RYR2: variants seen among roughly 807,000 people sequenced by gnomAD.
The protein encoded by RYR2 is ryanodine receptor 2.
Under a neutral mutation model 601.1 loss-of-function variants are expected in RYR2, and 227 were observed. That is an observed-to-expected ratio of 0.38 (90% CI 0.34 to 0.42). RYR2 has a LOEUF of 0.42. Among genes scored for constraint, RYR2 ranks in the 10% least tolerant of loss-of-function variants. RYR2 has a pLI of 1.00. For synonymous variants in RYR2, 2,223 were observed against 2,175.1 expected, an observed-to-expected ratio of 1.02 and a Z score of -0.61; for missense variants, 4,646 against 6,156.5, an observed-to-expected ratio of 0.75 and a Z score of 8.21.
chr1:237,447,472 A>G (rs567296213), intron 14 of RYR2, among the ~76,000 whole-genome samples: 2 of 152,336 alleles, frequency 1.3e-5, no homozygotes, highest in East Asian at 3.9e-4. Context: ...GCTTTATTAA[A>G]TCTTGAAAAT....
intron 17 of RYR2, among the ~76,000 whole-genome samples, chr1:237,485,198 A>G (rs1377143447): frequency 1.3e-5 from 2 of 152,242 alleles, no homozygotes; most frequent in Non-Finnish European, 2.9e-5. Context: ...CTCCAGATAT[A>G]AAGTATTTCA....
At chr1:237,679,108 T>C (rs1032786237) in intron 61 of RYR2, among the ~76,000 whole-genome samples, 2 of 152,144 alleles carry the variant, frequency 1.3e-5, no homozygotes, top group African/African-American at 4.8e-5. Context: ...GGGGTGCACA[T>C]AGTTAGCGAT....
At chr1:237,517,409 A>G (rs754477399) in intron 24 of RYR2, among the ~76,000 whole-genome samples, 15 of 152,294 alleles carry the variant, frequency 9.8e-5, no homozygotes, top group South Asian at 2.1e-4. Context: ...GGGGTGTCCA[A>G]TCTTTTTGCT....
At chr1:237,162,808 G>A (rs1490531376) in intron 1 of RYR2, among the ~76,000 whole-genome samples, 3 of 152,130 alleles carry the variant, frequency 2.0e-5, no homozygotes, top group Non-Finnish European at 4.4e-5. Flanking sequence ...TTGTGGGCTG[G>A]AAAGATAAAC....
chr1:237,690,688 C>G (rs910226030), intron 63 of RYR2, among the ~76,000 whole-genome samples: 5 of 152,046 alleles, frequency 3.3e-5, no homozygotes, highest in Non-Finnish European at 7.4e-5. Flanking sequence ...ATGGCGAGAC[C>G]CCATCTCGAC....
chr1:237,533,645 C>T (rs1439386656), intron 25 of RYR2, among the ~76,000 whole-genome samples: 2 of 152,038 alleles, frequency 1.3e-5, no homozygotes, highest in Non-Finnish European at 2.9e-5. Flanking sequence ...AAGGGTGATG[C>T]AATGTAAAAC....
In RYR2 at chr1:237,445,822, C is replaced by CT. The variant is rs375921812; in HGVS notation, c.1292+306dup. Among the ~76,000 whole-genome samples, 1,599 of 151,788 alleles carry CT rather than the reference C, an allele frequency of 0.011. 24 individuals are homozygous for CT. The highest frequency in any genetic ancestry group is 0.035 in the African/African-American group (1,454 of 41,382). ...ACCTATTTAGTTCCTTTTTCTTTTC[C>CT]TTTTTTCTTTTTGAGACAGAGTCTC... On this transcript the variant is annotated intron_variant, in intron 14 of 104. Coordinates refer to ENST00000366574, the MANE Select transcript of RYR2 (RefSeq NM_001035.3).
At chr1:237,107,967 G>A (rs2148565189) in intron 1 of RYR2, among the ~76,000 whole-genome samples, 1 of 152,206 alleles carries the variant, frequency 6.6e-6, no homozygotes, top group Admixed American at 6.5e-5. Context: ...TTTACCTCCT[G>A]GTAAAAAGGT....
At chr1:237,375,652 C>T (rs1700969309) in intron 7 of RYR2, among the ~76,000 whole-genome samples, 1 of 152,096 alleles carries the variant, frequency 6.6e-6, no homozygotes, top group Non-Finnish European at 1.5e-5. Flanking sequence ...AATGCATCGT[C>T]TTATAAAAGA....
At chr1:237,065,430 C>T (rs1663472738) in intron 1 of RYR2, among the ~76,000 whole-genome samples, 1 of 145,704 alleles carries the variant, frequency 6.9e-6, no homozygotes. Context: ...GAGGCACCCA[C>T]CACCACGCCT....
chr1:237,779,706 A>G (rs1694947062), intron 88 of RYR2, among the ~76,000 whole-genome samples: 1 of 152,214 alleles, frequency 6.6e-6, no homozygotes, highest in Non-Finnish European at 1.5e-5. Flanking sequence ...ATACATCTTA[A>G]TGTCAAAGAT....
At chr1:237,324,386 G>T (rs1695943859) in intron 2 of RYR2, among the ~76,000 whole-genome samples, 1 of 152,122 alleles carries the variant, frequency 6.6e-6, no homozygotes, top group Non-Finnish European at 1.5e-5. Context: ...ACACTCAACA[G>T]TTACAGTGCC....
intron 10 of RYR2, among the ~76,000 whole-genome samples, chr1:237,397,951 G>C (rs12045513): frequency 0.26 from 39,259 of 151,756 alleles, 5,332 homozygotes; most frequent in African/African-American, 0.36. Flanking sequence ...TCAATCTCCT[G>C]ACCTCGTGAT....
At chr1:237,299,712 A>G (rs1398310644) in intron 2 of RYR2, among the ~76,000 whole-genome samples, 1 of 152,160 alleles carries the variant, frequency 6.6e-6, no homozygotes, top group East Asian at 1.9e-4. Flanking sequence ...TGGGTTGTAA[A>G]TGTTTAATAT....
intron 12 of RYR2, among the ~76,000 whole-genome samples, chr1:237,423,661 G>A (rs767573126): frequency 1.1e-4 from 17 of 152,128 alleles, no homozygotes; most frequent in Non-Finnish European, 2.1e-4. Context: ...AGCATTGACA[G>A]TATACAGTGA....
intron 38 of RYR2, among the ~76,000 whole-genome samples, chr1:237,622,659 CTT>C: frequency 6.6e-6 from 1 of 152,252 alleles, no homozygotes; most frequent in South Asian, 2.1e-4. Context: ...AAGCACAAAA[CTT>C]GAATTTGCTG....
chr1:237,199,387 A>G (rs920335823), intron 1 of RYR2, among the ~76,000 whole-genome samples: 2 of 152,230 alleles, frequency 1.3e-5, no homozygotes, highest in Admixed American at 1.3e-4. Context: ...CTGGCAAAGC[A>G]CTGGTGTAAA....
At chr1:237,108,661 G>T (rs182278988) in intron 1 of RYR2, among the ~76,000 whole-genome samples, 45 of 152,174 alleles carry the variant, frequency 3.0e-4, no homozygotes, top group African/African-American at 1.0e-3. Context: ...GTGTAGGGGC[G>T]TGGAGGCTGC....
Position 237,831,393 on chromosome 1 carries a change from A to G in RYR2, c.14757-121A>G. Reference sequence around the variant, plus strand: ...TACACTAATTTTTCCAAAAATTTGCATGTGGCGTTTTCTCTGTGCTGGCCA... The same window carrying G: ...TACACTAATTTTTCCAAAAATTTGCGTGTGGCGTTTTCTCTGTGCTGGCCA... On this transcript the variant is annotated intron_variant, in intron 103 of 104. Coordinates refer to ENST00000366574, the MANE Select transcript of RYR2 (RefSeq NM_001035.3). 5 of 599,532 alleles carry G rather than the reference A, an allele frequency of 8.3e-6. No homozygotes were observed. The East Asian group carries it at 1.2e-4, about 14-fold the overall frequency. 37.1% of individuals were successfully genotyped at this position (599,532 alleles called of 1,614,324 possible).
Sources: gnomAD v4.1 joint callset for allele counts (sites outside exome capture counted in the v4.1 genomes callset) on GRCh38, gnomAD v4.1.1 for gene constraint, MANE v1.5 for transcripts, NCBI Gene and HGNC (gene_info 2026-07-23, HGNC 2026-07-21) for gene names.